The following RAB6A variants were observed in gnomAD, a reference collection of about 807,000 sequenced individuals.
The protein encoded by RAB6A is RAB6A, member RAS oncogene family.
In RAB6A, 8 loss-of-function variants were observed where a neutral mutation model predicts 32.3. The observed-to-expected ratio is 0.25, with a 90% CI of 0.15 to 0.45. RAB6A has a LOEUF of 0.45. Among genes scored for constraint, RAB6A ranks in the 20% least tolerant of loss-of-function variants. The pLI is 1.00. For missense variants in RAB6A, 104 were observed against 249.4 expected, an observed-to-expected ratio of 0.42 and a Z score of 3.93; for synonymous variants, 73 against 82.1, an observed-to-expected ratio of 0.89 and a Z score of 0.60.
chr11:73,693,291 A>AAAATAAAT lies in RAB6A; in HGVS notation c.496-13579_496-13572dup, dbSNP rs3046617. 8.4e-3 allele frequency among the ~76,000 whole-genome samples: 1,263 copies of AAAATAAAT among 151,032 alleles called. 34 individuals carry two copies. In the East Asian group the frequency reaches 0.098, roughly 12 times the overall value. ...TGACAGAGCAAGACTCCGTCTCCAA[A>AAAATAAAT]AAATAAATAAATAAATAAATAAATA... On this transcript the variant is annotated intron_variant, in intron 6 of 7. Transcript: ENST00000336083.
chr11:73,757,883 G>A (rs1946785613), intron 1 of RAB6A, among the ~76,000 whole-genome samples: 1 of 152,130 alleles, frequency 6.6e-6, no homozygotes, highest in Non-Finnish European at 1.5e-5. Flanking sequence ...TATGAGCCTG[G>A]CTCTACGCTA....
At chr11:73,718,956 C>T in intron 3 of RAB6A, 1 of 1,410,706 alleles carries the variant, frequency 7.1e-7, no homozygotes, top group Admixed American at 2.3e-5. Flanking sequence ...AAAAAAGAAA[C>T]AATGTTTTTT....
At chr11:73,678,737 G>T (rs1490661494) in intron 7 of RAB6A, among the ~76,000 whole-genome samples, 2 of 146,348 alleles carry the variant, frequency 1.4e-5, no homozygotes, top group Admixed American at 1.4e-4. Context: ...TTTTTTTTTT[G>T]GGGGGGGAAT....
intron 6 of RAB6A, among the ~76,000 whole-genome samples, chr11:73,705,277 G>A (rs895417648): frequency 1.3e-5 from 2 of 152,268 alleles, no homozygotes; most frequent in Non-Finnish European, 2.9e-5. Flanking sequence ...GCTGGGTGTG[G>A]TGGCTCACAC....
chr11:73,678,636 C>T (rs915317758), intron 7 of RAB6A, among the ~76,000 whole-genome samples: 44 of 151,414 alleles, frequency 2.9e-4, no homozygotes, highest in Non-Finnish European at 8.8e-5. Flanking sequence ...CGGCGGTGGG[C>T]GCGGGGACAT....
intron 6 of RAB6A, among the ~76,000 whole-genome samples, chr11:73,684,625 C>T (rs957792091): frequency 3.9e-5 from 6 of 152,138 alleles, no homozygotes; most frequent in African/African-American, 9.7e-5. Context: ...TGCAGTATCT[C>T]CGAGGTACAC....
intron 3 of RAB6A, among the ~76,000 whole-genome samples, chr11:73,719,598 T>C (rs1228463690): frequency 6.6e-6 from 1 of 151,924 alleles, no homozygotes; most frequent in African/African-American, 2.4e-5. Context: ...CATGATAAAG[T>C]CGTTTCCAAG....
Position 73,677,524 on chromosome 11 carries a change from T to G in RAB6A, c.*374A>C. On this transcript the variant is annotated 3_prime_UTR_variant, in exon 8 of 8. Transcript: ENST00000336083. ...GAGAGGTGAGAAAAGCAAGGAGAGA[T>G]AAAGTAGGCTGTGAACATACCGCTC... 4 of 411,946 alleles carry G rather than the reference T, an allele frequency of 9.7e-6. No individual in the cohort carries two copies. Among genetic ancestry groups the G allele is most frequent in the East Asian group, 4.3e-5 (1 of 23,236 alleles). The allele number at this position is 411,946 out of a possible 1,614,324, so 25.5% of individuals were successfully genotyped here. A position where few individuals can be genotyped will look rare whatever the true frequency, so the allele number is the denominator to read the frequency against.
intron 6 of RAB6A, among the ~76,000 whole-genome samples, chr11:73,706,708 AC>A (rs1945851873): frequency 1.3e-5 from 2 of 152,152 alleles, no homozygotes; most frequent in Admixed American, 1.3e-4. Flanking sequence ...CTGTTCAAAC[AC>A]CAGCATTTTA....
At chr11:73,705,148 G>A (rs537954592) in intron 6 of RAB6A, among the ~76,000 whole-genome samples, 4 of 152,252 alleles carry the variant, frequency 2.6e-5, no homozygotes, top group African/African-American at 9.6e-5. Flanking sequence ...TTAGGGTCAG[G>A]GCTAGGGGAC....
At chr11:73,741,744 T>C (rs1446690438) in intron 1 of RAB6A, among the ~76,000 whole-genome samples, 1 of 152,168 alleles carries the variant, frequency 6.6e-6, no homozygotes, top group Admixed American at 6.6e-5. Flanking sequence ...AATGAAAATA[T>C]CTTATCTCGA....
intron 1 of RAB6A, among the ~76,000 whole-genome samples, chr11:73,749,387 C>T (rs751847627): frequency 5.3e-5 from 8 of 152,122 alleles, no homozygotes; most frequent in Non-Finnish European, 1.0e-4. Context: ...TAAAAGACTA[C>T]ATACACACTG....
chr11:73,734,788 T>C (rs1300538192), intron 1 of RAB6A, among the ~76,000 whole-genome samples: 1 of 152,054 alleles, frequency 6.6e-6, no homozygotes, highest in African/African-American at 2.4e-5. Context: ...ATCTAAAATC[T>C]AGGAGAAAAA....
intron 1 of RAB6A, among the ~76,000 whole-genome samples, chr11:73,743,092 T>C (rs1946524906): frequency 6.6e-6 from 1 of 151,846 alleles, no homozygotes; most frequent in Non-Finnish European, 1.5e-5. Context: ...TCACTCGAGT[T>C]TGAGACCAGC....
At chr11:73,712,993 G>A (rs1188460137) in intron 5 of RAB6A, among the ~76,000 whole-genome samples, 1 of 151,604 alleles carries the variant, frequency 6.6e-6, no homozygotes, top group African/African-American at 2.4e-5. Context: ...GCTGGGAGGT[G>A]TGAGCCACCA....
At chr11:73,696,087 T>TACAAC (rs1246188265) in intron 6 of RAB6A, among the ~76,000 whole-genome samples, 1 of 152,180 alleles carries the variant, frequency 6.6e-6, no homozygotes, top group Non-Finnish European at 1.5e-5. Flanking sequence ...GCTACTCAGT[T>TACAAC]TTACCAACTT....
At chr11:73,724,720 T>C (rs1946191133) in intron 2 of RAB6A, among the ~76,000 whole-genome samples, 1 of 152,070 alleles carries the variant, frequency 6.6e-6, no homozygotes, top group Non-Finnish European at 1.5e-5. Flanking sequence ...TCTCCAGACC[T>C]TGTGATCCGC....
chr11:73,699,705 A>C (rs1473449809), intron 6 of RAB6A, among the ~76,000 whole-genome samples: 4 of 152,220 alleles, frequency 2.6e-5, no homozygotes, highest in Admixed American at 6.6e-5. Flanking sequence ...AGTTTCTTGA[A>C]GTTAGGAACC....
At chr11:73,748,523 T>C (rs919531777) in intron 1 of RAB6A, among the ~76,000 whole-genome samples, 2 of 151,986 alleles carry the variant, frequency 1.3e-5, no homozygotes, top group African/African-American at 2.4e-5. Flanking sequence ...AAAAAATAAA[T>C]AGACACATAA....
Sources: gnomAD v4.1 joint callset for allele counts (sites outside exome capture counted in the v4.1 genomes callset) on GRCh38, gnomAD v4.1.1 for gene constraint, MANE v1.5 for transcripts, NCBI Gene and HGNC (gene_info 2026-07-23, HGNC 2026-07-21) for gene names.